The following PPP3CA variants were observed in gnomAD, a reference collection of about 807,000 sequenced individuals.
The protein encoded by PPP3CA is protein phosphatase 3 catalytic subunit alpha.
PPP3CA carries 14 observed loss-of-function variants against 66.5 expected under a neutral mutation model. That is an observed-to-expected ratio of 0.21 (90% CI 0.14 to 0.33). The LOEUF (loss-of-function observed/expected upper bound fraction) is 0.33. Among genes scored for constraint, PPP3CA ranks in the 10% least tolerant of loss-of-function variants. The probability of loss-of-function intolerance (pLI) is 1.00; values close to 1 mark genes in which losing one functional copy is unlikely to be tolerated. For missense variants in PPP3CA, 317 were observed against 639.5 expected (o/e 0.50, Z 5.44); for synonymous variants, 232 against 226.2 (o/e 1.03, Z -0.23).
Position 101,308,428 on chromosome 4 carries a change from C to G in PPP3CA, c.58+38311G>C, listed in dbSNP as rs1232057128. 3.3e-5 allele frequency among the ~76,000 whole-genome samples: 5 copies of G among 152,138 alleles called. No homozygotes were observed. The South Asian group carries it at 1.0e-3, about 32-fold the overall frequency. ...CAATACCTAGCATATAGAATGTTCA[C>G]AAAATCCCCTTACATGTAATATTTC... On this transcript the variant is annotated intron_variant, in intron 1 of 13. Coordinates refer to ENST00000394854, the MANE Select transcript of PPP3CA (RefSeq NM_000944.5).
chr4:101,320,426 G>C (rs748998420), intron 1 of PPP3CA, among the ~76,000 whole-genome samples: 3 of 144,670 alleles, frequency 2.1e-5, no homozygotes, highest in Admixed American at 1.4e-4. Flanking sequence ...AGCTTGAATG[G>C]TACACACACA....
At position 101,312,086 on chromosome 4, in the gene PPP3CA, C is replaced by T. The variant is rs185175129; in HGVS notation, c.58+34653G>A. Among the ~76,000 whole-genome samples the T allele has an allele frequency of 9.0e-3, 1,374 of 152,192 alleles. 17 individuals carry two copies. The highest frequency in any genetic ancestry group is 0.031 in the African/African-American group (1,278 of 41,522). ...TTCTATGTGGCTTACACAGACATTT[C>T]ATTTAATTATAAGCAGTTGAAAAAG... On this transcript the variant is annotated intron_variant, in intron 1 of 13. Coordinates refer to ENST00000394854, the MANE Select transcript of PPP3CA (RefSeq NM_000944.5).
chr4:101,026,343 A>C (rs1021212480), intron 13 of PPP3CA, among the ~76,000 whole-genome samples: 3 of 152,234 alleles, frequency 2.0e-5, no homozygotes, highest in Non-Finnish European at 2.9e-5. Context: ...AGCTCAAAGA[A>C]ATCCAAAGTG....
In PPP3CA at chr4:101,262,876, T is replaced by C. The variant is rs569802408; in HGVS notation, c.59-66760A>G. Among the ~76,000 whole-genome samples the C allele has an allele frequency of 2.6e-5, 4 of 152,294 alleles. No homozygotes were observed. The East Asian group carries it at 5.8e-4, about 22-fold the overall frequency. On this transcript the variant is annotated intron_variant, in intron 1 of 13. Transcript: ENST00000394854. Reference sequence around the variant, plus strand: ...TTTGTATTAAGCTTTACACACATGGTTAACCCTGTGGCCCTTGTAGGCTCT... The same window carrying C: ...TTTGTATTAAGCTTTACACACATGGCTAACCCTGTGGCCCTTGTAGGCTCT...
rs1487556838 is a variant in PPP3CA at position 101,346,880 on chromosome 4, C to A, written c.-84G>T. ...GGACCGGCGGGCCAGACACTCAACG[C>A]CGCCGCCGCCGCCGCCGCCGCCGCG... On this transcript the variant is annotated 5_prime_UTR_variant, in exon 1 of 14. Coordinates refer to ENST00000394854, the MANE Select transcript of PPP3CA (RefSeq NM_000944.5). 1.8e-6 allele frequency: 2 copies of A among 1,130,824 alleles called. No homozygotes were observed. Among genetic ancestry groups the A allele is most frequent in the African/African-American group, 3.2e-5 (2 of 62,772 alleles). The allele number at this position is 1,130,824 out of a possible 1,614,324, so 70.0% of individuals were successfully genotyped here.
chr4:101,053,177 C>A (rs1728083273), intron 10 of PPP3CA, among the ~76,000 whole-genome samples: 1 of 152,036 alleles, frequency 6.6e-6, no homozygotes, highest in South Asian at 2.1e-4. Context: ...ATAGGGCACA[C>A]TGAATTTTAT....
rs965089489 is a variant in PPP3CA, at chr4:101,202,496, T to C, written c.59-6380A>G. ...GATATGTGTTTATTTATGCACAGAA[T>C]GGATATTCTGGATGCAAAGATACAC... is the stretch of plus-strand genomic sequence containing the variant. On this transcript the variant is annotated intron_variant, in intron 1 of 13. Transcript: ENST00000394854. Among the ~76,000 whole-genome samples the C allele has an allele frequency of 9.5e-4, 145 of 152,162 alleles. 1 individual carries two copies. Among genetic ancestry groups the C allele is most frequent in the Non-Finnish European group, 5.3e-4 (36 of 68,018 alleles).
chr4:101,193,743 T>C (rs940347230), intron 2 of PPP3CA, among the ~76,000 whole-genome samples: 10 of 152,124 alleles, frequency 6.6e-5, no homozygotes, highest in East Asian at 5.8e-4. Context: ...AAACCTTTCA[T>C]TGTCTTATGA....
intron 12 of PPP3CA, among the ~76,000 whole-genome samples, chr4:101,030,066 T>C (rs1726872576): frequency 6.6e-6 from 1 of 152,112 alleles, no homozygotes. Flanking sequence ...AGGCAGAACT[T>C]GAAAAGCCCA....
At position 101,063,293 on chromosome 4, in the gene PPP3CA, T is replaced by G; in HGVS notation, c.1020A>C (p.Pro340=). Residue 340 remains proline (P), a synonymous_variant, in exon 9 of 14, where the codon CCA becomes CCC. Coordinates refer to ENST00000394854, the MANE Select transcript of PPP3CA (RefSeq NM_000944.5). ...CATCCATGAAATTTGGAAGCCAGTA[T>G]GGATGAGGAGAACAGTTGAATTGCC... ...NIRQFNCSPH[P]YWLPNFMDVF... 1 of 1,611,750 alleles carries G rather than the reference T, an allele frequency of 6.2e-7. No individual in the cohort carries two copies. Among genetic ancestry groups the G allele is most frequent in the Non-Finnish European group, 8.5e-7 (1 of 1,178,504 alleles).
At chr4:101,038,972 C>T (rs754152037) in intron 11 of PPP3CA, among the ~76,000 whole-genome samples, 3 of 152,144 alleles carry the variant, frequency 2.0e-5, no homozygotes, top group Admixed American at 6.5e-5. Context: ...AATTCTAGAG[C>T]TGTTTTTACT....
chr4:101,341,824 T>C (rs1729828813), intron 1 of PPP3CA, among the ~76,000 whole-genome samples: 1 of 152,162 alleles, frequency 6.6e-6, no homozygotes, highest in South Asian at 2.1e-4. Flanking sequence ...TTTTTAGTAA[T>C]TATCAAAATT....
intron 8 of PPP3CA, among the ~76,000 whole-genome samples, chr4:101,078,568 T>A (rs1729289702): frequency 6.6e-6 from 1 of 152,186 alleles, no homozygotes; most frequent in Admixed American, 6.5e-5. Context: ...TTTAGTTAAA[T>A]TACCCAAATG....
At chr4:101,258,828 T>C (rs1726922933) in intron 1 of PPP3CA, among the ~76,000 whole-genome samples, 1 of 152,100 alleles carries the variant, frequency 6.6e-6, no homozygotes, top group African/African-American at 2.4e-5. Context: ...ATCAAATGTC[T>C]TTTAGGAGAA....
intron 2 of PPP3CA, among the ~76,000 whole-genome samples, chr4:101,131,217 CA>C (rs1377999629): frequency 6.7e-6 from 1 of 148,460 alleles, no homozygotes; most frequent in African/African-American, 2.5e-5. Flanking sequence ...GGCTGGGTGA[CA>C]AAAGTGAGAC....
chr4:101,107,188 C>G (rs537544141), intron 3 of PPP3CA, among the ~76,000 whole-genome samples: 3 of 152,308 alleles, frequency 2.0e-5, no homozygotes, highest in East Asian at 3.9e-4. Flanking sequence ...TCAGTCTTCC[C>G]AAAACATGTG....
chr4:101,291,289 T>G (rs1728015625), intron 1 of PPP3CA, among the ~76,000 whole-genome samples: 1 of 152,246 alleles, frequency 6.6e-6, no homozygotes, highest in African/African-American at 2.4e-5. Context: ...CAAGAGTTGC[T>G]GTGTGATGTT....
intron 2 of PPP3CA, among the ~76,000 whole-genome samples, chr4:101,154,239 G>T (rs1164399613): frequency 6.6e-6 from 1 of 152,106 alleles, no homozygotes. Flanking sequence ...ATTAAAACAA[G>T]TTTACCACCA....
chr4:101,107,954 C>T (rs1721491548), intron 3 of PPP3CA: 1 of 152,156 alleles, frequency 6.6e-6, no homozygotes, highest in Admixed American at 6.5e-5. Flanking sequence ...AAAACTTATT[C>T]AATTTCAAAC....
Sources: allele counts gnomAD v4.1 joint callset (sites outside exome capture counted in the v4.1 genomes callset), GRCh38; gene constraint gnomAD v4.1.1; transcripts MANE v1.5; gene names NCBI Gene and HGNC (gene_info 2026-07-23, HGNC 2026-07-21).